LTBP1: variants seen among roughly 807,000 people sequenced by gnomAD.
LTBP1 encodes latent-transforming growth factor beta-binding protein 1.
In LTBP1, 129 loss-of-function variants were observed where a neutral mutation model predicts 207.6. The ratio of observed to expected loss-of-function variants is 0.62; its 90% CI spans 0.54 to 0.72. The LOEUF (loss-of-function observed/expected upper bound fraction) is 0.72, where lower values mean the gene tolerates loss of function less well. LTBP1 is among the 30% of genes least tolerant of loss of function. The pLI, the probability that LTBP1 is intolerant of heterozygous loss-of-function variation, is 0.00. For synonymous variants in LTBP1, 963 were observed against 833.7 expected, an observed-to-expected ratio of 1.16 and a Z score of -2.67; for missense variants, 2,281 against 2,217.2, an observed-to-expected ratio of 1.03 and a Z score of -0.58.
intron 5 of LTBP1, among the ~76,000 whole-genome samples, chr2:33,154,480 A>G (rs2083789753): frequency 6.6e-6 from 1 of 152,168 alleles, no homozygotes. Context: ...ATTGTATTGT[A>G]CCATGCGTTG....
intron 31 of LTBP1, among the ~76,000 whole-genome samples, chr2:33,381,335 C>A (rs1388075307): frequency 6.6e-6 from 1 of 152,030 alleles, no homozygotes; most frequent in South Asian, 2.1e-4. Flanking sequence ...TCTCTTTTTT[C>A]ATTTTGTCTT....
intron 28 of LTBP1, among the ~76,000 whole-genome samples, chr2:33,362,466 A>T (rs2094937780): frequency 6.6e-6 from 1 of 152,152 alleles, no homozygotes; most frequent in African/African-American, 2.4e-5. Flanking sequence ...GTTAAATCTC[A>T]CTTCATATTA....
chr2:33,165,265 G>A (rs1394864187), intron 5 of LTBP1, among the ~76,000 whole-genome samples: 1 of 152,208 alleles, frequency 6.6e-6, no homozygotes, highest in Non-Finnish European at 1.5e-5. Flanking sequence ...GCTGTAGTCT[G>A]TGAATGATAT....
chr2:32,979,133 C>T (rs1055889280), intron 2 of LTBP1, among the ~76,000 whole-genome samples: 1 of 151,188 alleles, frequency 6.6e-6, no homozygotes. Context: ...TTTATCTTTT[C>T]AAGAAACCAA....
intron 16 of LTBP1, 91 bp from the exon 17 acceptor site, chr2:33,274,874 C>A: frequency 7.7e-7 from 1 of 1,293,480 alleles, no homozygotes; most frequent in Non-Finnish European, 1.1e-6. Flanking sequence ...TGGGTGGTAC[C>A]CAGGGAATAG....
chr2:33,343,410 CAAAAAA>C (rs60879811), intron 25 of LTBP1, among the ~76,000 whole-genome samples: 1 of 97,252 alleles, frequency 1.0e-5, no homozygotes, highest in Non-Finnish European at 2.3e-5. Flanking sequence ...GACCCTGTCT[CAAAAAA>C]AAAAAAAAAA....
At chr2:33,318,479 G>A (rs1264893741) in intron 24 of LTBP1, among the ~76,000 whole-genome samples, 1 of 152,198 alleles carries the variant, frequency 6.6e-6, no homozygotes, top group Non-Finnish European at 1.5e-5. Flanking sequence ...GAAGCCAATG[G>A]TATGTGTAGG....
intron 5 of LTBP1, among the ~76,000 whole-genome samples, chr2:33,142,393 A>G (rs910348037): frequency 1.3e-5 from 2 of 152,104 alleles, no homozygotes; most frequent in Non-Finnish European, 2.9e-5. Flanking sequence ...GGCAGATCAC[A>G]TGAGTTTGGT....
At chr2:33,392,652 T>C (rs1332291189) in intron 32 of LTBP1, among the ~76,000 whole-genome samples, 1 of 152,232 alleles carries the variant, frequency 6.6e-6, no homozygotes, top group African/African-American at 2.4e-5. Context: ...GAGACTGTAG[T>C]GTCCTGACCT....
chr2:33,249,406 T>C (rs1442592781), intron 10 of LTBP1, among the ~76,000 whole-genome samples: 1 of 149,118 alleles, frequency 6.7e-6, no homozygotes, highest in African/African-American at 2.5e-5. Context: ...TACATTAGAG[T>C]AGTATGTCTT....
intron 3 of LTBP1, among the ~76,000 whole-genome samples, chr2:33,025,364 T>C (rs1248342295): frequency 1.3e-5 from 2 of 152,168 alleles, no homozygotes. Flanking sequence ...TATAAGGTAA[T>C]ATAAAGCTCT....
chr2:33,111,475 G>A (rs1013634164), intron 4 of LTBP1, among the ~76,000 whole-genome samples: 17 of 152,190 alleles, frequency 1.1e-4, no homozygotes, highest in Non-Finnish European at 1.8e-4. Context: ...TTGACTGATT[G>A]CCTGCACCAT....
chr2:32,957,181 A>C (rs1218181736), intron 2 of LTBP1, among the ~76,000 whole-genome samples: 1 of 152,198 alleles, frequency 6.6e-6, no homozygotes, highest in African/African-American at 2.4e-5. Flanking sequence ...CTAAAAGGAG[A>C]GTCAGCCCAT....
chr2:33,045,495 A>G (rs1289142043), intron 3 of LTBP1, among the ~76,000 whole-genome samples: 1 of 152,184 alleles, frequency 6.6e-6, no homozygotes, highest in Non-Finnish European at 1.5e-5. Flanking sequence ...TACCAGTACA[A>G]TGCTGTTTTG....
At chr2:33,259,521 G>T in intron 12 of LTBP1, 67 bp from the exon 13 acceptor site, 1 of 1,121,206 alleles carries the variant, frequency 8.9e-7, no homozygotes, top group Non-Finnish European at 1.3e-6. Context: ...TGTTTTTTAA[G>T]AATTGAAATA....
At position 33,107,344 on chromosome 2, in the gene LTBP1, C is replaced by A. The variant is rs116369409; in HGVS notation, c.864-3238C>A. On this transcript the variant is annotated intron_variant, in intron 3 of 33. Transcript: ENST00000404816. ...GACCATGGCTTGCTTCACCCTGTTACAACAGTCAGGGTTTCTCGGTGCACT... is the reference window on the plus strand; with the variant it reads ...GACCATGGCTTGCTTCACCCTGTTAAAACAGTCAGGGTTTCTCGGTGCACT... Among the ~76,000 whole-genome samples the A allele has an allele frequency of 4.7e-3, 718 of 152,076 alleles. 1 individual carries two copies. The highest frequency in any genetic ancestry group is 6.8e-3 in the Non-Finnish European group (463 of 68,000).
intron 9 of LTBP1, among the ~76,000 whole-genome samples, chr2:33,235,723 A>G (rs921288128): frequency 1.3e-5 from 2 of 152,248 alleles, no homozygotes; most frequent in African/African-American, 4.8e-5. Flanking sequence ...CTATGCAGCC[A>G]TAAAAAAGGA....
At chr2:33,024,446 G>T (rs1240982424) in intron 3 of LTBP1, among the ~76,000 whole-genome samples, 3 of 152,198 alleles carry the variant, frequency 2.0e-5, no homozygotes, top group African/African-American at 7.2e-5. Flanking sequence ...TTTGAGGCAG[G>T]AGTGTGCCTG....
intron 31 of LTBP1, among the ~76,000 whole-genome samples, chr2:33,388,956 G>C (rs1038799758): frequency 6.6e-6 from 1 of 152,132 alleles, no homozygotes; most frequent in African/African-American, 2.4e-5. Flanking sequence ...TAATATTTTT[G>C]ATCTTCAATT....
Sources: allele counts gnomAD v4.1 joint callset (sites outside exome capture counted in the v4.1 genomes callset), GRCh38; gene constraint gnomAD v4.1.1; transcripts MANE v1.5; gene names NCBI Gene and HGNC (gene_info 2026-07-23, HGNC 2026-07-21).